Variants in CERS3 observed in about 807,000 individuals in gnomAD.
CERS3 encodes LAG1 homolog, ceramide synthase 3.
CERS3 carries 33 observed loss-of-function variants against 50.3 expected under a neutral mutation model. That is an observed-to-expected ratio of 0.66 (90% CI 0.50 to 0.88). The LOEUF is 0.88. CERS3 is among the 40% of genes least tolerant of loss of function. CERS3 has a pLI of 0.00. For synonymous variants in CERS3, 176 were observed against 155.2 expected, an observed-to-expected ratio of 1.13 and a Z score of -0.99; for missense variants, 470 against 460.3, an observed-to-expected ratio of 1.02 and a Z score of -0.19.
intron 10 of CERS3, among the ~76,000 whole-genome samples, chr15:100,456,518 A>C (rs1331654699): frequency 6.6e-6 from 1 of 152,244 alleles, no homozygotes; most frequent in African/African-American, 2.4e-5. Context: ...AGCTTTAACA[A>C]AGCAAAAATT....
chr15:100,500,724 C>T (rs569366831), intron 3 of CERS3, among the ~76,000 whole-genome samples: 1 of 152,310 alleles, frequency 6.6e-6, no homozygotes, highest in South Asian at 2.1e-4. Context: ...GCTTTCTTTT[C>T]CTCCCAATAG....
rs1364016716 is a variant in CERS3, at chr15:100,413,552, CTATACTATAT to C, written c.1000-10697_1000-10688del. On this transcript the variant is annotated intron_variant, in intron 11 of 11. Coordinates refer to ENST00000679737, the MANE Select transcript of CERS3 (RefSeq NM_001378789.1). ...CTATACTATACTATACTATACTATA[CTATACTATAT>C]GCTCAATCTTAGTAATCAGTAAAAT... 1.7e-3 allele frequency among the ~76,000 whole-genome samples: 178 copies of C among 103,140 alleles called. 1 individual carries two copies. Among genetic ancestry groups the C allele is most frequent in the African/African-American group, 5.6e-3 (172 of 30,750 alleles). 67.7% of individuals were successfully genotyped at this position (103,140 alleles called of 152,430 possible). A position where few individuals can be genotyped will look rare whatever the true frequency, so the allele number is the denominator to read the frequency against.
chr15:100,473,281 T>C (rs1234877462), intron 8 of CERS3, among the ~76,000 whole-genome samples: 1 of 152,176 alleles, frequency 6.6e-6, no homozygotes, highest in Non-Finnish European at 1.5e-5. Flanking sequence ...TGGATATATG[T>C]GTACACACAC....
At chr15:100,511,459 T>C (rs1596790314) in intron 2 of CERS3, among the ~76,000 whole-genome samples, 1 of 152,222 alleles carries the variant, frequency 6.6e-6, no homozygotes, top group Admixed American at 6.5e-5. Flanking sequence ...GGAGCCTGGG[T>C]TTCCATTAAC....
rs1045514519 is a variant in CERS3 at position 100,418,942 on chromosome 15, G to A, written c.1000-16077C>T. On this transcript the variant is annotated intron_variant, in intron 11 of 11. Transcript: ENST00000679737. Reference sequence around the variant, plus strand: ...AGCTCCTGAAGGAAGCACTAAACATGGAAAGGAACAACCAGTACCAGCCAC... The same window carrying A: ...AGCTCCTGAAGGAAGCACTAAACATAGAAAGGAACAACCAGTACCAGCCAC... Among the ~76,000 whole-genome samples, 7 of 147,740 alleles carry A rather than the reference G, an allele frequency of 4.7e-5. No individual in the cohort carries two copies. The Admixed American group carries it at 4.9e-4, about 10-fold the overall frequency.
In CERS3 at chr15:100,444,428, C is replaced by T. The variant is rs887851686; in HGVS notation, c.999+11465G>A. On this transcript the variant is annotated intron_variant, in intron 11 of 11. Transcript: ENST00000679737. ...TCTCTCTGATCCACCTGACGTTCAC[C>T]CCATTTCCCCACATTTCCTTCTTCC... Among the ~76,000 whole-genome samples, 126 of 152,276 alleles carry T rather than the reference C, an allele frequency of 8.3e-4. 1 individual carries two copies. Among genetic ancestry groups the T allele is most frequent in the African/African-American group, 2.9e-3 (120 of 41,552 alleles).
chr15:100,428,099 G>T (rs560170340), intron 11 of CERS3, among the ~76,000 whole-genome samples: 1 of 152,282 alleles, frequency 6.6e-6, no homozygotes, highest in Admixed American at 6.5e-5. Flanking sequence ...CTCAGATTGG[G>T]ATTACAACTG....
At chr15:100,411,028 T>A (rs1471425489) in intron 11 of CERS3, among the ~76,000 whole-genome samples, 1 of 152,224 alleles carries the variant, frequency 6.6e-6, no homozygotes, top group East Asian at 1.9e-4. Context: ...TCTATGACTT[T>A]GTCAATTCTA....
intron 11 of CERS3, among the ~76,000 whole-genome samples, chr15:100,430,136 C>T (rs981215467): frequency 6.6e-6 from 1 of 151,818 alleles, no homozygotes; most frequent in African/African-American, 2.4e-5. Flanking sequence ...CACGGTGGAA[C>T]CCTGTCTCTA....
Position 100,505,920 on chromosome 15 carries a change from T to A in CERS3, c.-1-4070A>T, listed in dbSNP as rs1596780520. 2.6e-5 allele frequency among the ~76,000 whole-genome samples: 4 copies of A among 152,246 alleles called. No individual in the cohort carries two copies. The South Asian group carries it at 8.3e-4, about 32-fold the overall frequency. On this transcript the variant is annotated intron_variant, in intron 2 of 11. Coordinates refer to ENST00000679737, the MANE Select transcript of CERS3 (RefSeq NM_001378789.1). ...ATCTCAGTTACTCAGGATACTGAGG[T>A]GGGAGGATTGCTTGAGCCCAGAGGC...
chr15:100,442,539 T>C (rs147139331), intron 11 of CERS3, among the ~76,000 whole-genome samples: 39,444 of 151,762 alleles, frequency 0.26, 5,388 homozygotes, highest in East Asian at 0.42. Context: ...CCTCCAGAAC[T>C]GCCTCCCCCA....
chr15:100,407,721 C>A lies in CERS3; in HGVS notation c.1000-4856G>T, dbSNP rs546319450. On this transcript the variant is annotated intron_variant, in intron 11 of 11. Transcript: ENST00000679737. The stretch of plus-strand genomic sequence containing the variant: ...TGGACATTTATAGATTCTTGTCATT[C>A]CCTAAAAAATGTAGTACAACAACTA... Among the ~76,000 whole-genome samples the A allele has an allele frequency of 2.6e-5, 4 of 152,156 alleles. No homozygotes were observed. The South Asian group carries it at 8.3e-4, about 32-fold the overall frequency.
Position 100,476,189 on chromosome 15 carries a change from G to A in CERS3, c.517-11C>T, listed in dbSNP as rs765739200. ...GGATGGCAGCAGGGGCTGAGGAAAA[G>A]AAGAGTATTCATTACTTTAAATGCC... On this transcript the variant is annotated splice_polypyrimidine_tract_variant and intron_variant, in intron 7 of 11. Transcript: ENST00000679737. 7 of 1,538,520 alleles carry A rather than the reference G, an allele frequency of 4.5e-6. No homozygotes were observed. In the East Asian group the frequency reaches 1.7e-4, roughly 38 times the overall value.
chr15:100,505,792 G>A (rs577719655), intron 2 of CERS3, among the ~76,000 whole-genome samples: 1 of 152,342 alleles, frequency 6.6e-6, no homozygotes, highest in South Asian at 2.1e-4. Context: ...CGGATCGCCT[G>A]AGCCCAGGAA....
intron 11 of CERS3, among the ~76,000 whole-genome samples, chr15:100,423,624 A>G (rs1243798882): frequency 6.6e-6 from 1 of 152,116 alleles, no homozygotes; most frequent in Non-Finnish European, 1.5e-5. Flanking sequence ...GGGAAAGGTG[A>G]GGATCAAAAA....
chr15:100,487,864 T>C (rs146154881), intron 4 of CERS3, among the ~76,000 whole-genome samples: 48 of 152,366 alleles, frequency 3.2e-4, no homozygotes, highest in African/African-American at 1.1e-3. Flanking sequence ...TTGAGTTCAG[T>C]CTCACAGTGC....
chr15:100,503,672 C>G, intron 2 of CERS3: 1 of 470,588 alleles, frequency 2.1e-6, no homozygotes, highest in Non-Finnish European at 4.4e-6. Context: ...GACTGGATTT[C>G]AAGCCCCCTC....
chr15:100,463,691 G>T (rs1315476964), intron 10 of CERS3, among the ~76,000 whole-genome samples: 2 of 152,102 alleles, frequency 1.3e-5, no homozygotes, highest in Non-Finnish European at 1.5e-5. Flanking sequence ...CCTTCATCAG[G>T]TGTGGAACTG....
intron 9 of CERS3, among the ~76,000 whole-genome samples, chr15:100,470,081 G>A (rs1022970758): frequency 2.6e-5 from 4 of 151,112 alleles, no homozygotes; most frequent in African/African-American, 9.7e-5. Flanking sequence ...AGAAAGAACT[G>A]CAGAAAGGGT....
Sources: allele counts gnomAD v4.1 joint callset (sites outside exome capture counted in the v4.1 genomes callset), GRCh38; gene constraint gnomAD v4.1.1; transcripts MANE v1.5; gene names NCBI Gene and HGNC (gene_info 2026-07-23, HGNC 2026-07-21).